Variants in PCSK2 observed in about 807,000 individuals in gnomAD.
The protein encoded by PCSK2 is neuroendocrine convertase 2.
A neutral mutation model predicts 69.7 loss-of-function variants in PCSK2; 14 were observed. The observed-to-expected ratio is 0.20, with a 90% confidence interval of 0.13 to 0.31. The LOEUF (loss-of-function observed/expected upper bound fraction) is 0.31, where lower values mean the gene tolerates loss of function less well. Ranked by LOEUF, PCSK2 falls within the 10% of genes least tolerant of loss-of-function variation. The pLI is 1.00. For missense variants in PCSK2, 544 were observed against 842.5 expected (o/e 0.65, Z 4.39); for synonymous variants, 307 against 320.7 (o/e 0.96, Z 0.46).
At position 17,364,882 on chromosome 20, in the gene PCSK2, G is replaced by A. The variant is rs368563931; in HGVS notation, c.505+4242G>A. On this transcript the variant is annotated intron_variant, in intron 4 of 11. Transcript: ENST00000262545. ...ATGATGGTGCACTCCTATCGCTGGT[G>A]GTTGTTGCTGGTTGCCACTGGAGCT... 7.9e-5 allele frequency among the ~76,000 whole-genome samples: 12 copies of A among 152,282 alleles called. No individual in the cohort carries two copies. The South Asian group carries it at 2.5e-3, about 32-fold the overall frequency.
chr20:17,227,527 A>C (rs2122920004), intron 1 of PCSK2, 45 bp downstream of exon 1: 285 of 1,404,858 alleles, frequency 2.0e-4, no homozygotes, highest in Non-Finnish European at 2.6e-4. Flanking sequence ...AAACGGGGGG[A>C]CGGGGGGGCA....
At chr20:17,363,798 ACTGCTTAGCAT>A (rs2030488684) in intron 4 of PCSK2, among the ~76,000 whole-genome samples, 1 of 152,228 alleles carries the variant, frequency 6.6e-6, no homozygotes, top group Non-Finnish European at 1.5e-5. Context: ...TGTGCTAGAC[ACTGCTTAGCAT>A]TTTGGAAATA....
chr20:17,384,888 A>G (rs1568627856), intron 5 of PCSK2, among the ~76,000 whole-genome samples: 1 of 152,118 alleles, frequency 6.6e-6, no homozygotes, highest in African/African-American at 2.4e-5. Context: ...CAATCACACC[A>G]CTGCACTCCA....
At chr20:17,461,279 GACTCACAAATGCATTATTTTTCTC>G (rs2033010354) in intron 10 of PCSK2, among the ~76,000 whole-genome samples, 1 of 152,040 alleles carries the variant, frequency 6.6e-6, no homozygotes, top group Admixed American at 6.5e-5. Flanking sequence ...ATACCAGCTT[GACTCACAAATGCATTATTTTTCTC>G]AGACTGGAAA....
intron 2 of PCSK2, among the ~76,000 whole-genome samples, chr20:17,350,933 G>C (rs142095657): frequency 9.9e-5 from 15 of 151,862 alleles, no homozygotes; most frequent in Admixed American, 9.8e-4. Context: ...CCAGCTACTC[G>C]GGAGGCTGAG....
chr20:17,274,922 C>T (rs1988005614), intron 2 of PCSK2, among the ~76,000 whole-genome samples: 1 of 152,002 alleles, frequency 6.6e-6, no homozygotes, highest in African/African-American at 2.4e-5. Flanking sequence ...CAGCAGTCTA[C>T]AGCATAGTCA....
At chr20:17,272,687 C>T (rs781576102) in intron 2 of PCSK2, among the ~76,000 whole-genome samples, 1 of 152,016 alleles carries the variant, frequency 6.6e-6, no homozygotes, top group African/African-American at 2.4e-5. Context: ...TGATATGAAT[C>T]TATTAATATA....
At chr20:17,421,930 A>G (rs2032140288) in intron 6 of PCSK2, among the ~76,000 whole-genome samples, 1 of 152,036 alleles carries the variant, frequency 6.6e-6, no homozygotes, top group Non-Finnish European at 1.5e-5. Flanking sequence ...AAAAATCAGG[A>G]TATTAATTTG....
intron 4 of PCSK2, among the ~76,000 whole-genome samples, chr20:17,362,157 T>G (rs2030417759): frequency 6.6e-6 from 1 of 152,208 alleles, no homozygotes; most frequent in African/African-American, 2.4e-5. Flanking sequence ...TTTGACTGAC[T>G]CCTAAAGTCA....
chr20:17,396,427 T>C (rs2031512409), intron 5 of PCSK2, among the ~76,000 whole-genome samples: 1 of 152,202 alleles, frequency 6.6e-6, no homozygotes, highest in Non-Finnish European at 1.5e-5. Flanking sequence ...ATCACTGGCC[T>C]TAACCTCTCA....
At chr20:17,454,309 A>C (rs1377092471) in intron 9 of PCSK2, among the ~76,000 whole-genome samples, 1 of 152,214 alleles carries the variant, frequency 6.6e-6, no homozygotes, top group Admixed American at 6.5e-5. Flanking sequence ...GAACCAAGGC[A>C]TCACACTGTA....
intron 1 of PCSK2, among the ~76,000 whole-genome samples, chr20:17,251,409 A>T (rs954478916): frequency 6.6e-6 from 1 of 152,240 alleles, no homozygotes; most frequent in African/African-American, 2.4e-5. Context: ...ACTAAATCAC[A>T]AAAGCTACAA....
intron 5 of PCSK2, among the ~76,000 whole-genome samples, chr20:17,397,784 A>G (rs1265056984): frequency 2.0e-5 from 3 of 152,086 alleles, no homozygotes; most frequent in African/African-American, 2.4e-5. Flanking sequence ...GCCAAATTCA[A>G]TAATATTATG....
intron 1 of PCSK2, among the ~76,000 whole-genome samples, chr20:17,241,128 G>A (rs779982539): frequency 1.4e-4 from 21 of 152,144 alleles, no homozygotes; most frequent in African/African-American, 2.4e-4. Flanking sequence ...ATGTGAGGCC[G>A]TGACTGTCAG....
chr20:17,251,120 T>C (rs942974909), intron 1 of PCSK2, among the ~76,000 whole-genome samples: 1 of 151,778 alleles, frequency 6.6e-6, no homozygotes, highest in African/African-American at 2.4e-5. Flanking sequence ...AAAAAAAAAT[T>C]ATCAGATCCA....
intron 1 of PCSK2, among the ~76,000 whole-genome samples, chr20:17,235,508 C>G (rs948401450): frequency 6.6e-6 from 1 of 152,096 alleles, no homozygotes; most frequent in Non-Finnish European, 1.5e-5. Flanking sequence ...TACAGAATCA[C>G]TATTGGAAGC....
intron 4 of PCSK2, among the ~76,000 whole-genome samples, chr20:17,367,877 C>G (rs1600526092): frequency 6.6e-6 from 1 of 152,132 alleles, no homozygotes; most frequent in Non-Finnish European, 1.5e-5. Context: ...TATTCTGATG[C>G]CTTTCCCTCT....
At chr20:17,481,356 C>G (rs11087210) in intron 11 of PCSK2, among the ~76,000 whole-genome samples, 1 of 137,662 alleles carries the variant, frequency 7.3e-6, no homozygotes, top group Non-Finnish European at 1.5e-5. Flanking sequence ...CACTCCAGCC[C>G]GGGCAACAGA....
intron 5 of PCSK2, among the ~76,000 whole-genome samples, chr20:17,378,837 T>G (rs954536546): frequency 6.6e-6 from 1 of 152,212 alleles, no homozygotes; most frequent in Non-Finnish European, 1.5e-5. Flanking sequence ...AGAAAGTCAT[T>G]TATGCAAATA....
Sources: allele counts gnomAD v4.1 joint callset (sites outside exome capture counted in the v4.1 genomes callset), GRCh38; gene constraint gnomAD v4.1.1; transcripts MANE v1.5; gene names NCBI Gene and HGNC (gene_info 2026-07-23, HGNC 2026-07-21).